Variants in PLCL1 observed in about 807,000 individuals in gnomAD.
PLCL1 encodes inactive phospholipase C-like protein 1.
Under a neutral mutation model 84.4 loss-of-function variants are expected in PLCL1, and 41 were observed. The ratio of observed to expected loss-of-function variants is 0.49; its 90% CI spans 0.38 to 0.63. The LOEUF is 0.63. Ranked by LOEUF, PLCL1 falls within the 30% of genes least tolerant of loss-of-function variation. PLCL1 has a pLI of 0.00. For synonymous variants in PLCL1, 490 were observed against 488.3 expected (o/e 1.00, Z -0.05); for missense variants, 1,206 against 1,367.8 (o/e 0.88, Z 1.87).
chr2:198,006,429 AC>A (rs1317241693), intron 1 of PLCL1, among the ~76,000 whole-genome samples: 2 of 152,176 alleles, frequency 1.3e-5, no homozygotes, highest in African/African-American at 2.4e-5. Context: ...AGGAAGTATA[AC>A]TTTTGGAGTA....
intron 5 of PLCL1, among the ~76,000 whole-genome samples, chr2:198,109,502 C>T (rs984038571): frequency 1.3e-5 from 2 of 151,822 alleles, no homozygotes. Flanking sequence ...TTAAGGCTTT[C>T]AGAAAGGGAT....
intron 1 of PLCL1, among the ~76,000 whole-genome samples, chr2:197,943,639 T>TC (rs1689211193): frequency 6.6e-6 from 1 of 151,286 alleles, no homozygotes; most frequent in African/African-American, 2.4e-5. Flanking sequence ...TTTTTTTTTT[T>TC]TTTTTTTGTT....
intron 1 of PLCL1, among the ~76,000 whole-genome samples, chr2:198,042,720 A>G (rs882954): frequency 0.71 from 107,509 of 152,090 alleles, 38,472 homozygotes; most frequent in Middle Eastern, 0.87. Flanking sequence ...AAGTGGAAAT[A>G]TTACGTGCAT....
intron 1 of PLCL1, among the ~76,000 whole-genome samples, chr2:197,830,822 T>C (rs1691042702): frequency 6.6e-6 from 1 of 152,160 alleles, no homozygotes; most frequent in Non-Finnish European, 1.5e-5. Flanking sequence ...ACAGAGGATC[T>C]CTCTGCAGAA....
intron 1 of PLCL1, among the ~76,000 whole-genome samples, chr2:198,048,286 A>T (rs1691852211): frequency 6.6e-6 from 1 of 152,224 alleles, no homozygotes; most frequent in South Asian, 2.1e-4. Flanking sequence ...AGGCACCAGC[A>T]GGTTTGGTGT....
intron 5 of PLCL1, among the ~76,000 whole-genome samples, chr2:198,111,055 G>A (rs969690240): frequency 1.3e-5 from 2 of 151,856 alleles, no homozygotes; most frequent in Admixed American, 6.6e-5. Context: ...TACAGACGCT[G>A]CAGCCAGACA....
intron 3 of PLCL1, among the ~76,000 whole-genome samples, chr2:198,098,022 A>C (rs938839295): frequency 3.9e-5 from 6 of 152,202 alleles, no homozygotes; most frequent in African/African-American, 1.4e-4. Context: ...ATATATATGT[A>C]AGAGCAATCT....
At chr2:197,982,540 T>C (rs960648945) in intron 1 of PLCL1, among the ~76,000 whole-genome samples, 1 of 152,208 alleles carries the variant, frequency 6.6e-6, no homozygotes, top group Non-Finnish European at 1.5e-5. Context: ...TCATTCCTCC[T>C]GCAGTTGAAT....
intron 1 of PLCL1, among the ~76,000 whole-genome samples, chr2:197,980,385 T>C (rs891426960): frequency 6.6e-6 from 1 of 152,220 alleles, no homozygotes; most frequent in Non-Finnish European, 1.5e-5. Flanking sequence ...GGAAAATTTC[T>C]GAATTTACCA....
chr2:197,862,318 CTT>C (rs966724109), intron 1 of PLCL1, among the ~76,000 whole-genome samples: 3 of 152,114 alleles, frequency 2.0e-5, no homozygotes, highest in Admixed American at 6.6e-5. Flanking sequence ...TAAATGCTAA[CTT>C]GATTTGCTGA....
chr2:198,137,185 A>AG (rs1694274225), intron 5 of PLCL1, among the ~76,000 whole-genome samples: 1 of 152,204 alleles, frequency 6.6e-6, no homozygotes, highest in African/African-American at 2.4e-5. Context: ...ATTAAGAAAA[A>AG]CAACTCTTGG....
At chr2:198,017,133 T>A (rs1012879277) in intron 1 of PLCL1, among the ~76,000 whole-genome samples, 4 of 152,212 alleles carry the variant, frequency 2.6e-5, no homozygotes, top group African/African-American at 9.7e-5. Context: ...TTGCCCAGTG[T>A]ATTTTTATTA....
At chr2:197,820,280 G>C (rs1690789758) in intron 1 of PLCL1, among the ~76,000 whole-genome samples, 1 of 152,060 alleles carries the variant, frequency 6.6e-6, no homozygotes, top group Non-Finnish European at 1.5e-5. Context: ...TCTTGTTGCT[G>C]CTGTAATAAG....
rs541430816 is a variant in PLCL1 at position 198,145,538 on chromosome 2, A to G, written c.3106-1242A>G. Among the ~76,000 whole-genome samples, 10 of 152,234 alleles carry G rather than the reference A, an allele frequency of 6.6e-5. No individual in the cohort carries two copies. The East Asian group carries it at 1.4e-3, about 21-fold the overall frequency. ...GAGAAGGCAAAACTGTCCACCTCCAACTCTTCTTCCAAAATCCCATACCAT... is the reference window on the plus strand; with the variant it reads ...GAGAAGGCAAAACTGTCCACCTCCAGCTCTTCTTCCAAAATCCCATACCAT... On this transcript the variant is annotated intron_variant, in intron 5 of 5. Transcript: ENST00000428675.
intron 1 of PLCL1, among the ~76,000 whole-genome samples, chr2:198,008,515 T>C (rs1407009523): frequency 6.6e-6 from 1 of 151,708 alleles, no homozygotes; most frequent in African/African-American, 2.4e-5. Flanking sequence ...TTCATTCTTA[T>C]TGTAGCATGT....
At chr2:197,863,254 A>T (rs1687467425) in intron 1 of PLCL1, among the ~76,000 whole-genome samples, 1 of 151,840 alleles carries the variant, frequency 6.6e-6, no homozygotes, top group African/African-American at 2.4e-5. Context: ...ACTGAATGTG[A>T]TGAAAAGGCT....
intron 1 of PLCL1, among the ~76,000 whole-genome samples, chr2:197,878,285 T>G (rs959821843): frequency 3.9e-5 from 6 of 152,168 alleles, no homozygotes; most frequent in African/African-American, 1.4e-4. Context: ...TCTTTAGTTA[T>G]CACACTTTGC....
Position 197,869,045 on chromosome 2 carries a change from G to A in PLCL1, c.240+63706G>A, listed in dbSNP as rs1001139341. ...AGTTTGAGTGCCTGTTATACGCTGA[G>A]CAATGCAATGCAATGTTTACCAGAG... On this transcript the variant is annotated intron_variant, in intron 1 of 5. Coordinates refer to ENST00000428675, the MANE Select transcript of PLCL1 (RefSeq NM_006226.4). 7.3e-4 allele frequency among the ~76,000 whole-genome samples: 111 copies of A among 152,250 alleles called. 1 individual carries two copies. Among genetic ancestry groups the A allele is most frequent in the African/African-American group, 2.6e-3 (107 of 41,546 alleles).
chr2:198,021,341 G>A (rs899092578), intron 1 of PLCL1, among the ~76,000 whole-genome samples: 6 of 152,214 alleles, frequency 3.9e-5, no homozygotes, highest in South Asian at 2.1e-4. Flanking sequence ...CAAAGAACTA[G>A]AGAAGTAAGA....
Sources: gnomAD v4.1 joint callset for allele counts (sites outside exome capture counted in the v4.1 genomes callset) on GRCh38, gnomAD v4.1.1 for gene constraint, MANE v1.5 for transcripts, NCBI Gene and HGNC (gene_info 2026-07-23, HGNC 2026-07-21) for gene names.